The following PCDHA8 variants were observed in gnomAD, a reference collection of about 807,000 sequenced individuals.
PCDHA8 encodes protocadherin alpha 8, also known as protocadherin alpha-8.
Under a neutral mutation model 61.8 loss-of-function variants are expected in PCDHA8, and 53 were observed. The observed-to-expected ratio is 0.86, with a 90% CI of 0.69 to 1.08. The LOEUF (loss-of-function observed/expected upper bound fraction) is 1.08, where lower values mean the gene tolerates loss of function less well. Ranked by LOEUF, PCDHA8 falls within the 50% of genes least tolerant of loss-of-function variation. PCDHA8 has a pLI of 0.00. For missense variants in PCDHA8, 1,293 were observed against 1,245.0 expected (o/e 1.04, Z -0.58); for synonymous variants, 618 against 556.6 (o/e 1.11, Z -1.55).
intron 1 of PCDHA8, chr5:140,883,326 C>T (rs374138267): frequency 3.1e-6 from 5 of 1,614,044 alleles, no homozygotes; most frequent in Admixed American, 1.7e-5. Flanking sequence ...GTTACCATCA[C>T]TTCTTTGTCA....
chr5:140,902,526 T>C (rs1388582391), intron 1 of PCDHA8, among the ~76,000 whole-genome samples: 1 of 152,140 alleles, frequency 6.6e-6, no homozygotes, highest in African/African-American at 2.4e-5. Flanking sequence ...GTTTTTATTA[T>C]GTTGAGGTAT....
At position 140,848,698 on chromosome 5, in the gene PCDHA8, C is replaced by T. The variant is rs17844321; in HGVS notation, c.2394+4983C>T. On this transcript the variant is annotated intron_variant, in intron 1 of 3. Coordinates refer to ENST00000531613, the MANE Select transcript of PCDHA8 (RefSeq NM_018911.3). The stretch of plus-strand genomic sequence containing the variant: ...GTGCCGCGCCTGTTCCAGTTGGATT[C>T]CAAAGGCCGCGGGGACCTTCTGGAG... 1,049 of 1,592,348 alleles carry T rather than the reference C, an allele frequency of 6.6e-4. 38 individuals are homozygous for T. The East Asian group carries it at 0.022, about 33-fold the overall frequency.
At chr5:140,870,692 T>C (rs1321391908) in intron 1 of PCDHA8, 2 of 1,612,828 alleles carry the variant, frequency 1.2e-6, no homozygotes, top group African/African-American at 1.3e-5. Flanking sequence ...CTGGAGCTGC[T>C]ACAGTTCCAG....
chr5:140,850,469 G>A lies in PCDHA8; in HGVS notation c.2394+6754G>A, dbSNP rs2150485500. 6.3e-6 allele frequency: 10 copies of A among 1,597,768 alleles called. 2 individuals carry two copies. The highest frequency in any genetic ancestry group is 8.6e-6 in the Non-Finnish European group (10 of 1,167,634). On this transcript the variant is annotated intron_variant, in intron 1 of 3. Transcript: ENST00000531613. Reference sequence around the variant, plus strand: ...TGGTGAAAGACCACGGGGAGCCAGCGCTGACGGCCACGGCCACTGTGCTGG... The same window carrying A: ...TGGTGAAAGACCACGGGGAGCCAGCACTGACGGCCACGGCCACTGTGCTGG...
At chr5:140,956,949 A>G (rs1027198370) in intron 1 of PCDHA8, among the ~76,000 whole-genome samples, 5 of 140,514 alleles carry the variant, frequency 3.6e-5, no homozygotes, top group African/African-American at 1.3e-4. Flanking sequence ...TTTACATTAA[A>G]ACACTGTAAT....
At chr5:140,871,313 C>T (rs371295919) in intron 1 of PCDHA8, 2 of 1,614,042 alleles carry the variant, frequency 1.2e-6, no homozygotes, top group Non-Finnish European at 1.7e-6. Flanking sequence ...GGGAAGCCCA[C>T]GCTGGTGTGC....
At chr5:140,895,904 C>CG (rs2065248350) in intron 1 of PCDHA8, among the ~76,000 whole-genome samples, 2 of 152,138 alleles carry the variant, frequency 1.3e-5, no homozygotes, top group Non-Finnish European at 2.9e-5. Flanking sequence ...CTCCGCGTCC[C>CG]GGGCTCAACA....
chr5:141,001,488 ATGCTAGCCCAGGT>A (rs1261759985), intron 3 of PCDHA8, among the ~76,000 whole-genome samples: 3 of 152,210 alleles, frequency 2.0e-5, no homozygotes, highest in Non-Finnish European at 4.4e-5. Flanking sequence ...AGTGCTGGAA[ATGCTAGCCCAGGT>A]GGGCTTAGCT....
chr5:140,842,257 A>C lies in PCDHA8; in HGVS notation c.936A>C (p.Gln312His). ...TTCGGGGTAATTTGGATTTTGAACA[A>C]GAAAACTTATACAAAATCCTCATTG... Reference protein sequence around the residue: ...IVIRGNLDFEQENLYKILIDA... With the variant: ...IVIRGNLDFEHENLYKILIDA... Residue 312 changes from glutamine to histidine, a missense_variant, in exon 1 of 4, where the codon CAA becomes CAC. Gln to His is a conservative substitution (Grantham distance 24). Transcript: ENST00000531613. The C allele has an allele frequency of 6.2e-7, 1 of 1,611,472 alleles. No individual in the cohort carries two copies. The highest frequency in any genetic ancestry group is 1.3e-5 in the African/African-American group (1 of 74,850).
intron 1 of PCDHA8, chr5:140,884,280 A>G: frequency 6.2e-7 from 1 of 1,613,576 alleles, no homozygotes; most frequent in Non-Finnish European, 8.5e-7. Context: ...TCGCTGGTGG[A>G]GAGCGGCCAA....
In PCDHA8 at chr5:140,981,687, ATCATTCATTCAT is replaced by A. The variant is rs200213847; in HGVS notation, c.2454-771_2454-760del. Among the ~76,000 whole-genome samples the A allele has an allele frequency of 3.0e-3, 453 of 152,088 alleles. 7 individuals are homozygous for A. In the East Asian group the frequency reaches 0.044, roughly 15 times the overall value. Reference sequence around the variant, plus strand: ...CTTCCTTTCTTCCTTCCTCCCTTCCATCATTCATTCATTCATTCATTCATTCATCCAACAAAT... The same window carrying A: ...CTTCCTTTCTTCCTTCCTCCCTTCCATCATTCATTCATTCATCCAACAAAT... On this transcript the variant is annotated intron_variant, in intron 2 of 3. Transcript: ENST00000531613.
At chr5:140,843,779 T>G (rs1779095351) in intron 1 of PCDHA8, 64 bp downstream of exon 1, 1 of 1,431,152 alleles carries the variant, frequency 7.0e-7, no homozygotes, top group African/African-American at 1.4e-5. Flanking sequence ...ACTTTAAAAG[T>G]GTTTCAGATT....
intron 1 of PCDHA8, among the ~76,000 whole-genome samples, chr5:140,960,972 T>C (rs936519951): frequency 6.6e-6 from 1 of 152,188 alleles, no homozygotes; most frequent in South Asian, 2.1e-4. Flanking sequence ...GCAGTTGCAA[T>C]TCTTGTTCCA....
At chr5:140,879,335 C>T (rs1388490473) in intron 1 of PCDHA8, among the ~76,000 whole-genome samples, 1 of 152,072 alleles carries the variant, frequency 6.6e-6, no homozygotes, top group Non-Finnish European at 1.5e-5. Context: ...TTAGTTTGTT[C>T]AGCTGAGAAG....
chr5:141,010,923 A>T lies in PCDHA8; in HGVS notation c.*986A>T, dbSNP rs184389417. The T allele has an allele frequency of 4.0e-3, 619 of 153,912 alleles. 3 individuals are homozygous for T. Among genetic ancestry groups the T allele is most frequent in the Admixed American group, 6.2e-3 (95 of 15,302 alleles). The allele number at this position is 153,912 out of a possible 1,614,324, so 9.5% of individuals were successfully genotyped here. A position where few individuals can be genotyped will look rare whatever the true frequency, so the allele number is the denominator to read the frequency against. ...TCCCCTAAACTCTCCTCAAAAGAGA[A>T]TTCAGTCTACAGCCATTTAAATGAT... On this transcript the variant is annotated 3_prime_UTR_variant, in exon 4 of 4. Coordinates refer to ENST00000531613, the MANE Select transcript of PCDHA8 (RefSeq NM_018911.3).
chr5:140,918,234 T>G (rs1188816850), intron 1 of PCDHA8, among the ~76,000 whole-genome samples: 1 of 152,210 alleles, frequency 6.6e-6, no homozygotes, highest in Non-Finnish European at 1.5e-5. Context: ...TTTTGTACAT[T>G]GATTTTGTAT....
chr5:140,867,025 C>G lies in PCDHA8; in HGVS notation c.2394+23310C>G, dbSNP rs560327933. 2.6e-5 allele frequency: 4 copies of G among 152,270 alleles called. No homozygotes were observed. The East Asian group carries it at 7.7e-4, about 29-fold the overall frequency. The allele number at this position is 152,270 out of a possible 1,614,324, so 9.4% of individuals were successfully genotyped here. Reference sequence around the variant, plus strand: ...TCATTGATTCATACACTATATCAAACTCTTTTATGACTTGGCGTTTGTTCA... The same window carrying G: ...TCATTGATTCATACACTATATCAAAGTCTTTTATGACTTGGCGTTTGTTCA... On this transcript the variant is annotated intron_variant, in intron 1 of 3. Transcript: ENST00000531613.
chr5:140,977,232 A>G (rs2096751038), intron 1 of PCDHA8, among the ~76,000 whole-genome samples: 1 of 152,368 alleles, frequency 6.6e-6, no homozygotes, highest in East Asian at 1.9e-4. Flanking sequence ...ACCCAATCAT[A>G]GAAAAATTGG....
Position 141,012,307 on chromosome 5 carries a change from T to G in PCDHA8, c.*2370T>G, listed in dbSNP as rs369179929. ...CATTTTGAATTGGTGCTATTGGTAT[T>G]TCCTCTGTTATTGCTAATAAATGAA... On this transcript the variant is annotated 3_prime_UTR_variant, in exon 4 of 4. Transcript: ENST00000531613. 1 of 153,794 alleles carries G rather than the reference T, an allele frequency of 6.5e-6. No homozygotes were observed. The highest frequency in any genetic ancestry group is 1.5e-5 in the Non-Finnish European group (1 of 68,040). 9.5% of individuals were successfully genotyped at this position (153,794 alleles called of 1,614,324 possible).
Sources: gnomAD v4.1 joint callset for allele counts (sites outside exome capture counted in the v4.1 genomes callset) on GRCh38, gnomAD v4.1.1 for gene constraint, MANE v1.5 for transcripts, NCBI Gene and HGNC (gene_info 2026-07-23, HGNC 2026-07-21) for gene names.